The following ST6GALNAC3 variants were observed in gnomAD, a reference collection of about 807,000 sequenced individuals.
ST6GALNAC3 encodes the protein alpha-N-acetylgalactosaminide alpha-2,6-sialyltransferase 3.
ST6GALNAC3 carries 25 observed loss-of-function variants against 32.7 expected under a neutral mutation model. The observed-to-expected ratio is 0.76, with a 90% CI of 0.56 to 1.07. ST6GALNAC3 has a LOEUF of 1.07. Among genes scored for constraint, ST6GALNAC3 ranks in the 50% least tolerant of loss-of-function variants. ST6GALNAC3 has a pLI of 0.00. For missense variants in ST6GALNAC3, 355 were observed against 382.4 expected, an observed-to-expected ratio of 0.93 and a Z score of 0.60; for synonymous variants, 129 against 133.1, an observed-to-expected ratio of 0.97 and a Z score of 0.21.
chr1:76,551,025 G>A (rs1022884302), intron 3 of ST6GALNAC3, among the ~76,000 whole-genome samples: 3 of 152,078 alleles, frequency 2.0e-5, no homozygotes, highest in Non-Finnish European at 2.9e-5. Flanking sequence ...TGCCTGCACC[G>A]GCTTGCCAAA....
At chr1:76,207,881 A>G (rs749269214) in intron 1 of ST6GALNAC3, among the ~76,000 whole-genome samples, 3 of 152,192 alleles carry the variant, frequency 2.0e-5, no homozygotes, top group Non-Finnish European at 4.4e-5. Context: ...TTTTCACCTT[A>G]CATGCTCCAA....
intron 1 of ST6GALNAC3, among the ~76,000 whole-genome samples, chr1:76,196,617 C>G (rs931307275): frequency 2.6e-5 from 4 of 152,058 alleles, no homozygotes; most frequent in African/African-American, 9.7e-5. Flanking sequence ...AGGCTTGTGC[C>G]ACCATGCCCG....
At chr1:76,357,031 A>G (rs755933259) in intron 2 of ST6GALNAC3, among the ~76,000 whole-genome samples, 4 of 152,142 alleles carry the variant, frequency 2.6e-5, no homozygotes, top group Admixed American at 1.3e-4. Context: ...TATTTAGTGA[A>G]TTCTTACTGT....
At chr1:76,435,739 A>G (rs1368603096) in intron 3 of ST6GALNAC3, among the ~76,000 whole-genome samples, 1 of 152,168 alleles carries the variant, frequency 6.6e-6, no homozygotes, top group East Asian at 1.9e-4. Flanking sequence ...AAATAATAAT[A>G]AATTTGATGT....
intron 1 of ST6GALNAC3, among the ~76,000 whole-genome samples, chr1:76,246,650 C>T (rs982561043): frequency 1.3e-5 from 2 of 152,080 alleles, no homozygotes; most frequent in African/African-American, 4.8e-5. Flanking sequence ...TTTTTCAGCT[C>T]CATCAGGTCA....
intron 1 of ST6GALNAC3, among the ~76,000 whole-genome samples, chr1:76,222,178 A>G (rs1655812272): frequency 6.6e-6 from 1 of 152,182 alleles, no homozygotes; most frequent in Admixed American, 6.5e-5. Flanking sequence ...CTATTTAATA[A>G]ATAGTGCTGG....
chr1:76,531,304 T>C (rs2101821368), intron 3 of ST6GALNAC3, among the ~76,000 whole-genome samples: 1 of 152,320 alleles, frequency 6.6e-6, no homozygotes, highest in East Asian at 1.9e-4. Context: ...AACTTCTAAA[T>C]GCAAATATGG....
At chr1:76,198,596 T>C (rs1014950329) in intron 1 of ST6GALNAC3, among the ~76,000 whole-genome samples, 4 of 152,130 alleles carry the variant, frequency 2.6e-5, no homozygotes, top group Admixed American at 6.6e-5. Flanking sequence ...TGGTGGCTAA[T>C]TGGACATGAA....
chr1:76,121,533 G>A (rs988415681), intron 1 of ST6GALNAC3, among the ~76,000 whole-genome samples: 6 of 152,102 alleles, frequency 3.9e-5, no homozygotes, highest in Non-Finnish European at 5.9e-5. Flanking sequence ...TGGCTAACAC[G>A]GTGAAACCCC....
At position 76,629,026 on chromosome 1, in the gene ST6GALNAC3, C is replaced by A; in HGVS notation, c.*220C>A. ...CATGATGTTCTTTCTGGAGGTTCAA[C>A]ACTACGTACCGCACTTTATAATTTA... is the stretch of plus-strand genomic sequence containing the variant. On this transcript the variant is annotated 3_prime_UTR_variant, in exon 5 of 5. Coordinates refer to ENST00000328299, the MANE Select transcript of ST6GALNAC3 (RefSeq NM_152996.4). 7.4e-7 allele frequency: 1 copy of A among 1,349,456 alleles called. No homozygotes were observed. Among genetic ancestry groups the A allele is most frequent in the African/African-American group, 1.5e-5 (1 of 66,558 alleles). The allele number at this position is 1,349,456 out of a possible 1,614,324, so 83.6% of individuals were successfully genotyped here.
chr1:76,470,785 C>T (rs971866075), intron 3 of ST6GALNAC3, among the ~76,000 whole-genome samples: 1 of 152,100 alleles, frequency 6.6e-6, no homozygotes, highest in African/African-American at 2.4e-5. Flanking sequence ...CAGTTCTCTA[C>T]TGGAAGTGGG....
rs1267246899 is a variant in ST6GALNAC3 at position 76,317,666 on chromosome 1, G to C, written c.213+3667G>C. On this transcript the variant is annotated intron_variant, in intron 2 of 4. Coordinates refer to ENST00000328299, the MANE Select transcript of ST6GALNAC3 (RefSeq NM_152996.4). ...TTAAATATGCAGGCATGCCAGCAGT[G>C]ATTTCCAGACCTAGAGCATCTGCAA... Among the ~76,000 whole-genome samples, 7 of 152,220 alleles carry C rather than the reference G, an allele frequency of 4.6e-5. No homozygotes were observed. The East Asian group carries it at 1.3e-3, about 29-fold the overall frequency.
chr1:76,269,211 C>A (rs1258261584), intron 1 of ST6GALNAC3, among the ~76,000 whole-genome samples: 1 of 152,200 alleles, frequency 6.6e-6, no homozygotes, highest in Non-Finnish European at 1.5e-5. Flanking sequence ...TCTTCTCCCT[C>A]TTCCCCCTTC....
At chr1:76,439,475 G>T (rs1656392003) in intron 3 of ST6GALNAC3, among the ~76,000 whole-genome samples, 1 of 152,166 alleles carries the variant, frequency 6.6e-6, no homozygotes, top group African/African-American at 2.4e-5. Context: ...TAAGGCCTTT[G>T]GTTATTGCTG....
chr1:76,266,053 A>T (rs910012371), intron 1 of ST6GALNAC3, among the ~76,000 whole-genome samples: 2 of 152,216 alleles, frequency 1.3e-5, no homozygotes, highest in Admixed American at 1.3e-4. Context: ...CAAATTTCCT[A>T]CGTTTTTCAG....
At chr1:76,368,263 A>G (rs1271620624) in intron 2 of ST6GALNAC3, among the ~76,000 whole-genome samples, 3 of 152,186 alleles carry the variant, frequency 2.0e-5, no homozygotes, top group Non-Finnish European at 4.4e-5. Context: ...CAATCAAACT[A>G]AATTTGCAGA....
intron 3 of ST6GALNAC3, among the ~76,000 whole-genome samples, chr1:76,499,136 C>T (rs1661030206): frequency 6.6e-6 from 1 of 152,052 alleles, no homozygotes; most frequent in African/African-American, 2.4e-5. Flanking sequence ...GATGCTTAAA[C>T]TTATATAGTT....
chr1:76,245,640 C>T (rs1316174426), intron 1 of ST6GALNAC3, among the ~76,000 whole-genome samples: 1 of 152,120 alleles, frequency 6.6e-6, no homozygotes, highest in Non-Finnish European at 1.5e-5. Context: ...TCTTTGTTCT[C>T]ATTGGTTTCA....
intron 1 of ST6GALNAC3, among the ~76,000 whole-genome samples, chr1:76,194,941 C>CA (rs1654111757): frequency 6.6e-6 from 1 of 152,182 alleles, no homozygotes; most frequent in Non-Finnish European, 1.5e-5. Context: ...TAACATCTTG[C>CA]ATTGGTCATT....
Sources: gnomAD v4.1 joint callset for allele counts (sites outside exome capture counted in the v4.1 genomes callset) on GRCh38, gnomAD v4.1.1 for gene constraint, MANE v1.5 for transcripts, NCBI Gene and HGNC (gene_info 2026-07-23, HGNC 2026-07-21) for gene names.